CORO1C: variants seen among roughly 807,000 people sequenced by gnomAD.
CORO1C encodes coronin-1C.
Under a neutral mutation model 51.2 loss-of-function variants are expected in CORO1C, and 14 were observed. The ratio of observed to expected loss-of-function variants is 0.27; its 90% CI spans 0.18 to 0.43. CORO1C has a LOEUF of 0.43. Ranked by LOEUF, CORO1C falls within the 20% of genes least tolerant of loss-of-function variation. The probability of loss-of-function intolerance (pLI) is 1.00; values close to 1 mark genes in which losing one functional copy is unlikely to be tolerated. For synonymous variants in CORO1C, 181 were observed against 210.5 expected (o/e 0.86, Z 1.21); for missense variants, 417 against 607.8 (o/e 0.69, Z 3.30).
At chr12:108,717,655 T>C (rs1410499075) in intron 1 of CORO1C, among the ~76,000 whole-genome samples, 1 of 152,186 alleles carries the variant, frequency 6.6e-6, no homozygotes, top group Non-Finnish European at 1.5e-5. Flanking sequence ...ATTTGACTCA[T>C]GCAACCAGAT....
At chr12:108,669,673 TAA>T (rs34827230) in intron 3 of CORO1C, among the ~76,000 whole-genome samples, 13 of 80,228 alleles carry the variant, frequency 1.6e-4, no homozygotes, top group Non-Finnish European at 2.1e-4. Flanking sequence ...GCTTTTCCGT[TAA>T]AAAAAAAAAA....
At position 108,695,342 on chromosome 12, in the gene CORO1C, G is replaced by A. The variant is rs569448647; in HGVS notation, c.195+5782C>T. Among the ~76,000 whole-genome samples, 5 of 152,290 alleles carry A rather than the reference G, an allele frequency of 3.3e-5. No homozygotes were observed. The South Asian group carries it at 1.0e-3, about 32-fold the overall frequency. The stretch of plus-strand genomic sequence containing the variant: ...TGGTTACACAGGCTAGCCCTATTCA[G>A]TGTTGGAGGCCACCTACCACAATAT... On this transcript the variant is annotated intron_variant, in intron 2 of 10. Transcript: ENST00000261401.
At chr12:108,655,393 G>GTCTCCCTCTCCCTCTCTTTCCACGC (rs2136801575) in intron 6 of CORO1C, among the ~76,000 whole-genome samples, 1 of 125,208 alleles carries the variant, frequency 8.0e-6, no homozygotes, top group South Asian at 3.0e-4. Flanking sequence ...TCTCCCCACG[G>GTCTCCCTCTCCCTCTCTTTCCACGC]TCTCCCTCTC....
chr12:108,651,789 GGATA>G (rs2032670319), intron 8 of CORO1C, among the ~76,000 whole-genome samples: 1 of 152,200 alleles, frequency 6.6e-6, no homozygotes, highest in African/African-American at 2.4e-5. Context: ...GTACACACAA[GGATA>G]GAAAGACTTG....
chr12:108,654,416 G>T lies in CORO1C; in HGVS notation c.751-6C>A. On this transcript the variant is annotated splice_region_variant and splice_polypyrimidine_tract_variant and intron_variant, in intron 6 of 10. Coordinates refer to ENST00000261401, the MANE Select transcript of CORO1C (RefSeq NM_014325.4). ...ATTGGTTCCTGCATATTTTTCTGGG[G>T]GGAAGATAATAATAATACATATATG... 1 of 1,547,160 alleles carries T rather than the reference G, an allele frequency of 6.5e-7. No individual in the cohort carries two copies. The highest frequency in any genetic ancestry group is 8.9e-7 in the Non-Finnish European group (1 of 1,120,308).
chr12:108,713,631 A>G (rs1020031309), intron 1 of CORO1C, among the ~76,000 whole-genome samples: 12 of 152,234 alleles, frequency 7.9e-5, no homozygotes, highest in African/African-American at 2.7e-4. Context: ...AAGCTCATCA[A>G]TTCCAGGCCC....
Position 108,648,799 on chromosome 12 carries a change from C to T in CORO1C, c.1111G>A (p.Ala371Thr), listed in dbSNP as rs762661543. ...TCGAACCACTCTTCTGCCTCCAGCG[C>T]GGCCTCTGGCCCCGCTGTGTCAGGA... ...LYPDTAGPEA[A>T]LEAEEWFEGK... Residue 371 changes from alanine to threonine, a missense_variant, in exon 10 of 11, where the codon GCG becomes ACG. By Grantham distance (58) the Ala-to-Thr change is moderately conservative. Coordinates refer to ENST00000261401, the MANE Select transcript of CORO1C (RefSeq NM_014325.4). The T allele has an allele frequency of 9.9e-6, 16 of 1,614,066 alleles. No homozygotes were observed. The highest frequency in any genetic ancestry group is 2.2e-5 in the East Asian group (1 of 44,896).
intron 3 of CORO1C, 79 bp from the exon 4 acceptor site, chr12:108,662,237 A>G: frequency 1.6e-6 from 2 of 1,272,934 alleles, no homozygotes; most frequent in Non-Finnish European, 2.3e-6. Context: ...CATCCACTAT[A>G]AAGATTTGCT....
Position 108,648,731 on chromosome 12 carries a change from C to G in CORO1C, c.1179G>C (p.Gly393=), listed in dbSNP as rs764648546. The G allele has an allele frequency of 1.2e-6, 2 of 1,614,046 alleles. No homozygotes were observed. Among genetic ancestry groups the G allele is most frequent in the Non-Finnish European group, 1.7e-6 (2 of 1,180,036 alleles). Residue 393 remains glycine, a synonymous_variant, in exon 10 of 11, where the codon GGG becomes GGC. Coordinates refer to ENST00000261401, the MANE Select transcript of CORO1C (RefSeq NM_014325.4). ...ADPILISLKH[G]YIPGKNRDLK... Reference sequence around the variant, plus strand: ...GATCCCTGTTTTTGCCTGGAATGTACCCGTGCTTCAAGGAGATGAGGATTG... The same window carrying G: ...GATCCCTGTTTTTGCCTGGAATGTAGCCGTGCTTCAAGGAGATGAGGATTG...
At position 108,669,497 on chromosome 12, in the gene CORO1C, C is replaced by T. The variant is rs575986695; in HGVS notation, c.319-7339G>A. 2.6e-5 allele frequency among the ~76,000 whole-genome samples: 4 copies of T among 152,166 alleles called. No individual in the cohort carries two copies. The East Asian group carries it at 7.7e-4, about 29-fold the overall frequency. On this transcript the variant is annotated intron_variant, in intron 3 of 10. Coordinates refer to ENST00000261401, the MANE Select transcript of CORO1C (RefSeq NM_014325.4). ...TACCTCCATATTATATGGAAGGCAA[C>T]TGGGGCTGAGAGCGTTTAAGCGAAG...
chr12:108,706,713 G>C (rs909084387), intron 1 of CORO1C, among the ~76,000 whole-genome samples: 8 of 152,072 alleles, frequency 5.3e-5, no homozygotes, highest in African/African-American at 1.7e-4. Flanking sequence ...TCCTGTCTCA[G>C]CCTCCCGAGT....
At chr12:108,689,032 GAAAAAAA>G (rs11449783) in intron 2 of CORO1C, among the ~76,000 whole-genome samples, 66 of 110,356 alleles carry the variant, frequency 6.0e-4, no homozygotes, top group Non-Finnish European at 1.0e-3. Context: ...CTCTGTCTCA[GAAAAAAA>G]AAAAAAAAAA....
intron 3 of CORO1C, among the ~76,000 whole-genome samples, chr12:108,674,323 C>T (rs1326415723): frequency 3.3e-5 from 5 of 152,118 alleles, no homozygotes; most frequent in Non-Finnish European, 5.9e-5. Context: ...CCAAGGCGGG[C>T]GGATCGCGAG....
intron 1 of CORO1C, among the ~76,000 whole-genome samples, chr12:108,710,883 G>C (rs17040909): frequency 0.025 from 3,857 of 152,032 alleles, 175 homozygotes; most frequent in African/African-American, 0.089. Flanking sequence ...TTACATGTTG[G>C]GTGAATATTT....
intron 2 of CORO1C, among the ~76,000 whole-genome samples, chr12:108,681,428 C>G (rs546001394): frequency 1.2e-4 from 18 of 152,150 alleles, no homozygotes; most frequent in African/African-American, 4.3e-4. Flanking sequence ...TTTAGAACAC[C>G]TAAAACAAAG....
At chr12:108,683,396 G>A (rs56389244) in intron 2 of CORO1C, among the ~76,000 whole-genome samples, 8,367 of 146,668 alleles carry the variant, frequency 0.057, 487 homozygotes, top group East Asian at 0.31. Flanking sequence ...TCCAGTCCGG[G>A]CAACAGTGCA....
intron 6 of CORO1C, among the ~76,000 whole-genome samples, chr12:108,656,708 A>C (rs2033034950): frequency 6.6e-6 from 1 of 152,218 alleles, no homozygotes; most frequent in Non-Finnish European, 1.5e-5. Flanking sequence ...GTACTAAGAA[A>C]AATTCTTCTG....
At chr12:108,707,302 A>G (rs1280136136) in intron 1 of CORO1C, among the ~76,000 whole-genome samples, 2 of 152,230 alleles carry the variant, frequency 1.3e-5, no homozygotes, top group Admixed American at 1.3e-4. Context: ...ACAAAGCAAC[A>G]GTAATCAAGA....
intron 1 of CORO1C, among the ~76,000 whole-genome samples, chr12:108,726,622 C>T (rs1173912689): frequency 3.5e-5 from 5 of 142,364 alleles, no homozygotes; most frequent in African/African-American, 1.3e-4. Flanking sequence ...CCAGCCTATA[C>T]AACATAGTGA....
Sources: gnomAD v4.1 joint callset for allele counts (sites outside exome capture counted in the v4.1 genomes callset) on GRCh38, gnomAD v4.1.1 for gene constraint, MANE v1.5 for transcripts, NCBI Gene and HGNC (gene_info 2026-07-23, HGNC 2026-07-21) for gene names.